HTR1F: variants seen among roughly 807,000 people sequenced by gnomAD.
HTR1F encodes 5-hydroxytryptamine receptor 1F.
A neutral mutation model predicts 24.0 loss-of-function variants in HTR1F; 17 were observed. The ratio of observed to expected loss-of-function variants is 0.71; its 90% CI spans 0.48 to 1.06. The LOEUF (loss-of-function observed/expected upper bound fraction) is 1.06, where lower values mean the gene tolerates loss of function less well. Ranked by LOEUF, HTR1F falls within the 50% of genes least tolerant of loss-of-function variation. The pLI is 0.00. For synonymous variants in HTR1F, 186 were observed against 156.8 expected, an observed-to-expected ratio of 1.19 and a Z score of -1.39; for missense variants, 391 against 427.8, an observed-to-expected ratio of 0.91 and a Z score of 0.76.
chr3:87,975,385 A>T (rs1576110156), intron 2 of HTR1F, among the ~76,000 whole-genome samples: 1 of 152,172 alleles, frequency 6.6e-6, no homozygotes, highest in Non-Finnish European at 1.5e-5. Flanking sequence ...TTTGGTATCA[A>T]TTTCAGTATT....
chr3:87,955,558 C>A (rs1169821044), intron 2 of HTR1F, among the ~76,000 whole-genome samples: 1 of 151,404 alleles, frequency 6.6e-6, no homozygotes, highest in African/African-American at 2.4e-5. Context: ...AAAGTCCTTG[C>A]AATGGAATGG....
intron 2 of HTR1F, among the ~76,000 whole-genome samples, chr3:87,948,210 C>T (rs1047825257): frequency 2.0e-5 from 3 of 152,074 alleles, no homozygotes; most frequent in African/African-American, 7.2e-5. Flanking sequence ...CTTTGGCTGG[C>T]CTGCCTCCAA....
intron 2 of HTR1F, among the ~76,000 whole-genome samples, chr3:87,879,247 C>T (rs563520967): frequency 5.3e-5 from 8 of 152,192 alleles, no homozygotes; most frequent in African/African-American, 1.7e-4. Flanking sequence ...TGATTTATTG[C>T]AATAAAAATT....
intron 2 of HTR1F, among the ~76,000 whole-genome samples, chr3:87,905,100 G>T (rs1703630867): frequency 6.6e-6 from 1 of 151,726 alleles, no homozygotes; most frequent in Non-Finnish European, 1.5e-5. Context: ...TTGACGCCAG[G>T]AGTTTGAAAC....
At chr3:87,843,361 G>T (rs1318450379) in intron 2 of HTR1F, among the ~76,000 whole-genome samples, 1 of 151,726 alleles carries the variant, frequency 6.6e-6, no homozygotes, top group African/African-American at 2.4e-5. Flanking sequence ...TTAAATGTGA[G>T]CAGTGTTCTT....
At chr3:87,806,979 C>G (rs1704084190) in intron 1 of HTR1F, among the ~76,000 whole-genome samples, 1 of 151,906 alleles carries the variant, frequency 6.6e-6, no homozygotes, top group South Asian at 2.1e-4. Flanking sequence ...TTCGATTCCA[C>G]TGGTCTCTGT....
intron 2 of HTR1F, among the ~76,000 whole-genome samples, chr3:87,916,582 A>G (rs1406338382): frequency 2.0e-5 from 3 of 152,124 alleles, no homozygotes; most frequent in Non-Finnish European, 2.9e-5. Context: ...CTATTCTTAT[A>G]TCAGACAAAA....
chr3:87,990,785 C>T lies in HTR1F; in HGVS notation c.36C>T (p.Thr12=). 6.2e-7 allele frequency: 1 copy of T among 1,613,200 alleles called. No individual in the cohort carries two copies. The highest frequency in any genetic ancestry group is 8.5e-7 in the Non-Finnish European group (1 of 1,179,248). ...DFLNSSDQNL[T]SEELLNRMPS... ...TAAATTCATCTGATCAAAACTTGAC[C>T]TCAGAGGAACTGTTAAACAGAATGC... The change falls in exon 3 of 3, where the codon ACC becomes ACT. Residue 12 remains threonine (T), a synonymous_variant. Coordinates refer to ENST00000319595, the MANE Select transcript of HTR1F (RefSeq NM_001322209.2).
chr3:87,806,752 T>G (rs1287641435), intron 1 of HTR1F, among the ~76,000 whole-genome samples: 1 of 152,124 alleles, frequency 6.6e-6, no homozygotes, highest in Non-Finnish European at 1.5e-5. Context: ...CCCTGTTTTC[T>G]TCTAAGAGTT....
intron 2 of HTR1F, among the ~76,000 whole-genome samples, chr3:87,873,679 C>T (rs1705608765): frequency 6.6e-6 from 1 of 152,126 alleles, no homozygotes; most frequent in Non-Finnish European, 1.5e-5. Flanking sequence ...AAATCCTCCA[C>T]CAAATACTAG....
At chr3:87,978,372 AG>A (rs1705445259) in intron 2 of HTR1F, among the ~76,000 whole-genome samples, 1 of 152,306 alleles carries the variant, frequency 6.6e-6, no homozygotes, top group Non-Finnish European at 1.5e-5. Flanking sequence ...TTCATTTGAC[AG>A]GTCCTGAGTT....
intron 2 of HTR1F, among the ~76,000 whole-genome samples, chr3:87,920,507 A>AT (rs1229470652): frequency 2.0e-5 from 3 of 152,136 alleles, no homozygotes; most frequent in East Asian, 1.9e-4. Context: ...TGGCACCTAT[A>AT]TTTTTTAAAA....
At chr3:87,811,958 T>A (rs1311480756) in intron 1 of HTR1F, among the ~76,000 whole-genome samples, 1 of 152,154 alleles carries the variant, frequency 6.6e-6, no homozygotes, top group African/African-American at 2.4e-5. Flanking sequence ...ATTTGATAGT[T>A]CATCTTTCAT....
At chr3:87,952,943 T>C (rs1301711223) in intron 2 of HTR1F, among the ~76,000 whole-genome samples, 1 of 151,820 alleles carries the variant, frequency 6.6e-6, no homozygotes, top group Non-Finnish European at 1.5e-5. Context: ...CTTGAGTATG[T>C]TTTTTATCAA....
intron 2 of HTR1F, among the ~76,000 whole-genome samples, chr3:87,861,672 A>G (rs1057318418): frequency 6.6e-5 from 10 of 152,160 alleles, no homozygotes; most frequent in Admixed American, 6.6e-5. Flanking sequence ...TAAATATTTT[A>G]GAAAACACAT....
intron 2 of HTR1F, among the ~76,000 whole-genome samples, chr3:87,875,653 G>A (rs147736249): frequency 0.022 from 3,399 of 151,882 alleles, 131 homozygotes; most frequent in African/African-American, 0.077. Context: ...AGCCAGGCGC[G>A]GTGGCTCACA....
At chr3:87,960,171 T>A (rs758640004) in intron 2 of HTR1F, among the ~76,000 whole-genome samples, 1 of 150,666 alleles carries the variant, frequency 6.6e-6, no homozygotes, top group Non-Finnish European at 1.5e-5. Context: ...GGCATCAACA[T>A]TTTTAAAGGT....
intron 2 of HTR1F, among the ~76,000 whole-genome samples, chr3:87,929,356 C>T (rs1559636172): frequency 6.6e-6 from 1 of 152,138 alleles, no homozygotes; most frequent in Non-Finnish European, 1.5e-5. Context: ...CACCATACAA[C>T]GTATATGGCA....
At chr3:87,806,763 T>A (rs893715306) in intron 1 of HTR1F, among the ~76,000 whole-genome samples, 3 of 152,098 alleles carry the variant, frequency 2.0e-5, no homozygotes, top group Non-Finnish European at 4.4e-5. Context: ...TCTAAGAGTT[T>A]TATTGTTTTG....
Sources: gnomAD v4.1 joint callset for allele counts (sites outside exome capture counted in the v4.1 genomes callset) on GRCh38, gnomAD v4.1.1 for gene constraint, MANE v1.5 for transcripts, NCBI Gene and HGNC (gene_info 2026-07-23, HGNC 2026-07-21) for gene names.